Variants in GALNT9 observed in about 807,000 individuals in gnomAD.
GALNT9 encodes polypeptide N-acetylgalactosaminyltransferase 9.
A neutral mutation model predicts 63.1 loss-of-function variants in GALNT9; 47 were observed. That is an observed-to-expected ratio of 0.75 (90% CI 0.59 to 0.95). The LOEUF is 0.95. GALNT9 is among the 40% of genes least tolerant of loss of function. The pLI, the probability that GALNT9 is intolerant of heterozygous loss-of-function variation, is 0.00. For synonymous variants in GALNT9, 396 were observed against 365.7 expected (o/e 1.08, Z -0.94); for missense variants, 829 against 874.8 (o/e 0.95, Z 0.66).
rs142330403 is a variant in GALNT9 at position 132,314,770 on chromosome 12, C to T, written c.238+14196G>A. On this transcript the variant is annotated intron_variant, in intron 1 of 10. Coordinates refer to ENST00000328957, the MANE Select transcript of GALNT9 (RefSeq NM_001122636.2). ...GTCATTCGGTGAATGAAGTGTGAAT[C>T]GGATCAAACCCTCTCCCCGATGCCC... Among the ~76,000 whole-genome samples the T allele has an allele frequency of 7.2e-5, 11 of 152,290 alleles. No individual in the cohort carries two copies. The East Asian group carries it at 1.4e-3, about 19-fold the overall frequency.
At chr12:132,218,682 G>A (rs1206363248) in intron 6 of GALNT9, among the ~76,000 whole-genome samples, 2 of 152,188 alleles carry the variant, frequency 1.3e-5, no homozygotes, top group Admixed American at 6.5e-5. Context: ...CGCTGGAAAG[G>A]CAAATCCCAT....
At chr12:132,274,353 C>A (rs1879979895) in intron 2 of GALNT9, 1 of 152,226 alleles carries the variant, frequency 6.6e-6, no homozygotes, top group African/African-American at 2.4e-5. Context: ...ACCTGGATGG[C>A]CACACACGCC....
intron 2 of GALNT9, chr12:132,283,396 G>A (rs1555241867): frequency 6.6e-6 from 1 of 152,324 alleles, no homozygotes; most frequent in East Asian, 1.9e-4. Flanking sequence ...TCTGTCAGAT[G>A]GCTCTGATGT....
chr12:132,258,359 A>T (rs1211291787), intron 4 of GALNT9, among the ~76,000 whole-genome samples: 4 of 152,218 alleles, frequency 2.6e-5, no homozygotes, highest in African/African-American at 9.7e-5. Flanking sequence ...TTGGAATACA[A>T]TCATGAACTA....
At chr12:132,201,806 C>T (rs978444191) in intron 7 of GALNT9, among the ~76,000 whole-genome samples, 2 of 152,228 alleles carry the variant, frequency 1.3e-5, no homozygotes, top group African/African-American at 2.4e-5. Context: ...GGTCCCTGCC[C>T]AGGCGTCTCT....
chr12:132,197,678 C>A, intron 10 of GALNT9, 114 bp downstream of exon 10: 5 of 802,804 alleles, frequency 6.2e-6, no homozygotes, highest in Non-Finnish European at 1.0e-5. Context: ...CTGACCACCC[C>A]CTGCCGCACT....
rs1247735731 is a variant in GALNT9 at position 132,265,477 on chromosome 12, A to C, written c.420-2852T>G. ...GACTTATTGCAACTAGGATCTTTGC[A>C]GATGTAATTGAGTTAGGGATCCTGA... On this transcript the variant is annotated intron_variant, in intron 2 of 10. Transcript: ENST00000328957. The surrounding 1 kb of genome is among the most constrained non-coding windows in gnomAD (Gnocchi z 5.3). Among the ~76,000 whole-genome samples the C allele has an allele frequency of 6.6e-6, 1 of 152,156 alleles. No individual in the cohort carries two copies. Among genetic ancestry groups the C allele is most frequent in the Non-Finnish European group, 1.5e-5 (1 of 68,042 alleles).
intron 1 of GALNT9, among the ~76,000 whole-genome samples, chr12:132,306,269 G>C (rs1881610086): frequency 6.6e-6 from 1 of 152,246 alleles, no homozygotes; most frequent in Admixed American, 6.5e-5. Flanking sequence ...ATAACTGCCG[G>C]GGCGTGGCCT....
rs781813318 is a variant in GALNT9 at position 132,248,045 on chromosome 12, C to T, written c.960-18G>A. ...CTGGGGTCCTGGGAGGCAGAGACAG[C>T]GGCGTGAGGACCTCGCCATGCAGGC... On this transcript the variant is annotated intron_variant, in intron 5 of 10. Coordinates refer to ENST00000328957, the MANE Select transcript of GALNT9 (RefSeq NM_001122636.2). 120 of 1,542,348 alleles carry T rather than the reference C, an allele frequency of 7.8e-5. 1 individual carries two copies. The highest frequency in any genetic ancestry group is 1.7e-4 in the Middle Eastern group (1 of 5,954).
chr12:132,233,477 C>T (rs1172203324), intron 6 of GALNT9, among the ~76,000 whole-genome samples: 2 of 36,534 alleles, frequency 5.5e-5, no homozygotes, highest in East Asian at 1.9e-3. Context: ...CACTCGATGG[C>T]GTGAGAGAGG....
intron 6 of GALNT9, among the ~76,000 whole-genome samples, chr12:132,216,169 T>A (rs1052258290): frequency 6.7e-6 from 1 of 149,598 alleles, no homozygotes; most frequent in African/African-American, 2.5e-5. Context: ...GACAGAGGCA[T>A]GAGATAGAGA....
At chr12:132,270,277 G>A (rs902519575) in intron 2 of GALNT9, among the ~76,000 whole-genome samples, 6 of 152,278 alleles carry the variant, frequency 3.9e-5, no homozygotes, top group African/African-American at 1.4e-4. Flanking sequence ...CAGAGGCCCC[G>A]TGTCTCCCTG....
At chr12:132,275,001 T>G (rs1223258173) in intron 2 of GALNT9, 1 of 152,332 alleles carries the variant, frequency 6.6e-6, no homozygotes, top group Non-Finnish European at 1.5e-5. Flanking sequence ...ACCGTCCAGT[T>G]GTCACCAACT....
intron 1 of GALNT9, among the ~76,000 whole-genome samples, chr12:132,317,374 C>T (rs150702129): frequency 6.6e-6 from 1 of 152,216 alleles, no homozygotes; most frequent in Non-Finnish European, 1.5e-5. Flanking sequence ...CTCTCCTGCT[C>T]CTTCCACTCG....
chr12:132,207,170 C>T (rs1445389338), intron 6 of GALNT9, among the ~76,000 whole-genome samples: 1 of 152,208 alleles, frequency 6.6e-6, no homozygotes, highest in Non-Finnish European at 1.5e-5. Flanking sequence ...CATAGCTGGG[C>T]GTCCGGACCA....
At chr12:132,295,328 C>T (rs551105092) in intron 1 of GALNT9, among the ~76,000 whole-genome samples, 4 of 152,358 alleles carry the variant, frequency 2.6e-5, no homozygotes, top group South Asian at 2.1e-4. Flanking sequence ...GGCCCAGTGC[C>T]GGGCGCCGTG....
At chr12:132,285,437 G>A (rs868995628) in intron 2 of GALNT9, among the ~76,000 whole-genome samples, 8 of 152,364 alleles carry the variant, frequency 5.3e-5, no homozygotes, top group Middle Eastern at 3.4e-3. Flanking sequence ...GGCGCTTGTC[G>A]CGGCTACTCC....
At chr12:132,299,079 C>T (rs1480013309) in intron 1 of GALNT9, among the ~76,000 whole-genome samples, 5 of 138,538 alleles carry the variant, frequency 3.6e-5, no homozygotes, top group African/African-American at 8.0e-5. Flanking sequence ...CTAACCCACC[C>T]GAGATAACCA....
intron 6 of GALNT9, among the ~76,000 whole-genome samples, chr12:132,212,269 C>T (rs1271358755): frequency 1.2e-4 from 7 of 58,222 alleles, no homozygotes; most frequent in African/African-American, 5.8e-4. Context: ...GGTCTGCAGC[C>T]CTCAGACCTC....
Sources: gnomAD v4.1 joint callset for allele counts (sites outside exome capture counted in the v4.1 genomes callset) on GRCh38, gnomAD v4.1.1 for gene constraint, Gnocchi (gnomAD v3.1) non-coding constraint, MANE v1.5 for transcripts, NCBI Gene and HGNC (gene_info 2026-07-23, HGNC 2026-07-21) for gene names.